FBLN7: variants seen among roughly 807,000 people sequenced by gnomAD.
FBLN7 encodes the protein fibulin-7.
FBLN7 carries 31 observed loss-of-function variants against 44.0 expected under a neutral mutation model. The ratio of observed to expected loss-of-function variants is 0.70; its 90% CI spans 0.53 to 0.95. FBLN7 has a LOEUF of 0.95. Ranked by LOEUF, FBLN7 falls within the 40% of genes least tolerant of loss-of-function variation. The pLI is 0.00. For missense variants in FBLN7, 573 were observed against 618.5 expected (o/e 0.93, Z 0.78); for synonymous variants, 262 against 253.4 (o/e 1.03, Z -0.32).
In FBLN7 at chr2:112,160,811, CACGCACACACAA is replaced by C. The variant is rs1300677313; in HGVS notation, c.235+977_235+988del. On this transcript the variant is annotated intron_variant, in intron 2 of 7. Transcript: ENST00000331203. ...GCACACGCACACACGCACGCACACACACGCACACACAAGCACGCATACACGCACGCACACGCG... is the reference window on the plus strand; with the variant it reads ...GCACACGCACACACGCACGCACACACGCACGCATACACGCACGCACACGCG... Among the ~76,000 whole-genome samples, 149 of 149,534 alleles carry C rather than the reference CACGCACACACAA, an allele frequency of 1.0e-3. 1 individual carries two copies. Among genetic ancestry groups the C allele is most frequent in the African/African-American group, 3.6e-3 (144 of 40,370 alleles).
intron 1 of FBLN7, among the ~76,000 whole-genome samples, chr2:112,150,394 G>T (rs965145567): frequency 3.3e-5 from 5 of 151,920 alleles, no homozygotes; most frequent in Non-Finnish European, 4.4e-5. Context: ...AAAAAAAAAT[G>T]CATCCAGAGA....
intron 4 of FBLN7, chr2:112,176,771 G>A (rs927185478): frequency 6.6e-6 from 1 of 152,168 alleles, no homozygotes; most frequent in Non-Finnish European, 1.5e-5. Context: ...GCTTTCTATG[G>A]AAACTGAGGC....
the FBLN7 span, chr2:112,238,194 TTCATGAAAACCATAGTCTTA>T: frequency 1.9e-6 from 2 of 1,027,782 alleles, no homozygotes; most frequent in South Asian, 3.3e-5. Flanking sequence ...GGTATAAATA[TTCATGAAAACCATAGTCTTA>T]TCATAAGATA....
chr2:112,185,438 A>G (rs901589588), intron 7 of FBLN7, 99 bp downstream of exon 7: 1 of 1,466,818 alleles, frequency 6.8e-7, no homozygotes, highest in African/African-American at 1.4e-5. Context: ...CAGTTATACC[A>G]TAGAAAGATG....
chr2:112,156,274 G>A (rs1305019983), intron 1 of FBLN7, among the ~76,000 whole-genome samples: 1 of 152,164 alleles, frequency 6.6e-6, no homozygotes, highest in Non-Finnish European at 1.5e-5. Flanking sequence ...GGTGGCCGGC[G>A]GGGCTGGGTG....
intron 3 of FBLN7, among the ~76,000 whole-genome samples, chr2:112,170,533 G>GAAAAAAAAAA (rs199582472): frequency 1.3e-5 from 1 of 76,830 alleles, no homozygotes; most frequent in Non-Finnish European, 2.7e-5. Context: ...TCTCGAAAGT[G>GAAAAAAAAAA]AAAAAAAAAA....
At chr2:112,220,186 C>T in the FBLN7 span, among the ~76,000 whole-genome samples, 1 of 152,178 alleles carries the variant, frequency 6.6e-6, no homozygotes, top group African/African-American at 2.4e-5. Flanking sequence ...TTGATCCTGT[C>T]ATAACATTGT....
At chr2:112,175,142 T>C (rs967732009) in intron 3 of FBLN7, among the ~76,000 whole-genome samples, 3 of 152,204 alleles carry the variant, frequency 2.0e-5, no homozygotes, top group African/African-American at 7.2e-5. Context: ...CAAAAAACTC[T>C]TACCTGGTCA....
At chr2:112,218,883 G>C in the FBLN7 span, among the ~76,000 whole-genome samples, 1 of 152,104 alleles carries the variant, frequency 6.6e-6, no homozygotes, top group Non-Finnish European at 1.5e-5. Context: ...ATGTACTTAG[G>C]AATTAATTTA....
chr2:112,198,454 T>G, the FBLN7 span, among the ~76,000 whole-genome samples: 1 of 151,970 alleles, frequency 6.6e-6, no homozygotes, highest in Non-Finnish European at 1.5e-5. Context: ...CCGGCCAACA[T>G]GGTGAAACCC....
At chr2:112,191,741 T>C (rs914344339), downstream of FBLN7, among the ~76,000 whole-genome samples, 1 of 152,218 alleles carries the variant, frequency 6.6e-6, no homozygotes, top group Non-Finnish European at 1.5e-5. Context: ...TTCCCCTCTC[T>C]GTGGCATGCT....
intron 2 of FBLN7, among the ~76,000 whole-genome samples, chr2:112,162,615 C>T (rs1681935836): frequency 6.6e-6 from 1 of 152,176 alleles, no homozygotes; most frequent in Non-Finnish European, 1.5e-5. Flanking sequence ...TGCTTCTCGC[C>T]AACAGAATCA....
chr2:112,172,460 C>T (rs1682511773), intron 3 of FBLN7, among the ~76,000 whole-genome samples: 1 of 152,030 alleles, frequency 6.6e-6, no homozygotes. Flanking sequence ...TCTGTGTCTT[C>T]TGTTTTAAAC....
At chr2:112,180,225 AT>A (rs1317633396) in intron 4 of FBLN7, among the ~76,000 whole-genome samples, 2 of 152,248 alleles carry the variant, frequency 1.3e-5, no homozygotes, top group Non-Finnish European at 2.9e-5. Flanking sequence ...GCCAACAAGC[AT>A]ATGGAAAAAA....
chr2:112,218,614 C>G, the FBLN7 span, among the ~76,000 whole-genome samples: 1 of 152,134 alleles, frequency 6.6e-6, no homozygotes, highest in African/African-American at 2.4e-5. Context: ...TATGAATCCA[C>G]TTATATATAG....
intron 1 of FBLN7, among the ~76,000 whole-genome samples, chr2:112,141,404 G>C (rs560317574): frequency 1.3e-5 from 2 of 152,334 alleles, no homozygotes; most frequent in African/African-American, 4.8e-5. Context: ...GGCCAGGCAG[G>C]CATGCCCATG....
chr2:112,159,730 C>T lies in FBLN7; in HGVS notation c.130C>T (p.Leu44=), dbSNP rs1256929513. Residue 44 remains leucine (L), a synonymous_variant, in exon 2 of 8, where the codon CTG becomes TTG. Transcript: ENST00000331203. ...LSAIRQLQQL[L]KGQETRFAEG... is the part of the protein sequence containing the mutation. Reference sequence around the variant, plus strand: ...GGCCATCCGCCAGCTGCAGCAGCTGCTGAAGGGCCAGGAGACACGCTTCGC... The same window carrying T: ...GGCCATCCGCCAGCTGCAGCAGCTGTTGAAGGGCCAGGAGACACGCTTCGC... 1 of 1,590,972 alleles carries T rather than the reference C, an allele frequency of 6.3e-7. No individual in the cohort carries two copies. Among genetic ancestry groups the T allele is most frequent in the Admixed American group, 1.8e-5 (1 of 57,010 alleles).
At chr2:112,160,750 ACGCACACACG>A (rs1558880060) in intron 2 of FBLN7, among the ~76,000 whole-genome samples, 5 of 128,796 alleles carry the variant, frequency 3.9e-5, no homozygotes, top group Non-Finnish European at 8.5e-5. Context: ...ACACACGCGC[ACGCACACACG>A]CACGCACACG....
intron 1 of FBLN7, among the ~76,000 whole-genome samples, chr2:112,139,965 C>G (rs1409060638): frequency 1.3e-5 from 1 of 76,468 alleles, no homozygotes; most frequent in African/African-American, 6.5e-5. Context: ...ACGCCAGTGT[C>G]CCTCCCGCCT....
Sources: gnomAD v4.1 joint callset for allele counts (sites outside exome capture counted in the v4.1 genomes callset) on GRCh38, gnomAD v4.1.1 for gene constraint, MANE v1.5 for transcripts, NCBI Gene and HGNC (gene_info 2026-07-23, HGNC 2026-07-21) for gene names.